The following FUT9 variants were observed in gnomAD, a reference collection of about 807,000 sequenced individuals.
FUT9 encodes the protein 4-galactosyl-N-acetylglucosaminide 3-alpha-L-fucosyltransferase 9.
FUT9 carries 15 observed loss-of-function variants against 29.7 expected under a neutral mutation model. That is an observed-to-expected ratio of 0.51 (90% CI 0.34 to 0.78). FUT9 has a LOEUF of 0.78. Among genes scored for constraint, FUT9 ranks in the 30% least tolerant of loss-of-function variants. FUT9 has a pLI of 0.01. For synonymous variants in FUT9, 169 were observed against 153.7 expected, an observed-to-expected ratio of 1.10 and a Z score of -0.74; for missense variants, 319 against 425.4, an observed-to-expected ratio of 0.75 and a Z score of 2.20.
chr6:96,162,940 G>A (rs182583129), intron 2 of FUT9, among the ~76,000 whole-genome samples: 17 of 152,288 alleles, frequency 1.1e-4, no homozygotes, highest in Non-Finnish European at 2.5e-4. Flanking sequence ...ATAAGGCTGA[G>A]GTAAAGTCTT....
At chr6:96,189,686 T>C (rs1423653355) in intron 2 of FUT9, among the ~76,000 whole-genome samples, 2 of 152,150 alleles carry the variant, frequency 1.3e-5, no homozygotes. Flanking sequence ...CTTTTGATCT[T>C]TGTTGGTTTA....
chr6:96,029,661 T>C (rs907562857), intron 1 of FUT9, among the ~76,000 whole-genome samples: 2 of 151,584 alleles, frequency 1.3e-5, no homozygotes, highest in South Asian at 2.1e-4. Context: ...TGACAAATTA[T>C]AAGATATACA....
chr6:96,064,057 A>G (rs752187187), intron 1 of FUT9, among the ~76,000 whole-genome samples: 3 of 152,116 alleles, frequency 2.0e-5, no homozygotes, highest in Non-Finnish European at 2.9e-5. Context: ...ATTGCTACCA[A>G]AGTTCACAGG....
At chr6:96,081,955 G>A (rs1771244989) in intron 1 of FUT9, among the ~76,000 whole-genome samples, 1 of 151,650 alleles carries the variant, frequency 6.6e-6, no homozygotes, top group Non-Finnish European at 1.5e-5. Context: ...CTTAATGGCT[G>A]TTTATATTTC....
chr6:96,104,707 T>C (rs1269355203), intron 1 of FUT9, among the ~76,000 whole-genome samples: 1 of 151,988 alleles, frequency 6.6e-6, no homozygotes, highest in East Asian at 1.9e-4. Context: ...ATTTTTTGTG[T>C]TTTCAGTAGA....
At chr6:96,181,745 G>A (rs4279447) in intron 2 of FUT9, among the ~76,000 whole-genome samples, 138,646 of 151,990 alleles carry the variant, frequency 0.91, 64,588 homozygotes, top group Non-Finnish European at 1. Context: ...AGGTTTCTGC[G>A]GATGTCATTA....
chr6:96,032,277 A>G (rs1477331268), intron 1 of FUT9, among the ~76,000 whole-genome samples: 1 of 151,660 alleles, frequency 6.6e-6, no homozygotes. Context: ...TAGGAAGCTC[A>G]GTGTCAACTT....
At chr6:96,034,654 C>A (rs544996183) in intron 1 of FUT9, among the ~76,000 whole-genome samples, 2 of 151,756 alleles carry the variant, frequency 1.3e-5, no homozygotes, top group Middle Eastern at 3.4e-3. Flanking sequence ...CTTTATCACA[C>A]ACTTACTACA....
intron 2 of FUT9, among the ~76,000 whole-genome samples, chr6:96,151,509 A>G (rs1006178801): frequency 1.3e-5 from 2 of 152,196 alleles, no homozygotes; most frequent in African/African-American, 2.4e-5. Flanking sequence ...TAAAGATTTT[A>G]TCAGGTAGAG....
At chr6:96,113,634 T>A (rs1444498530) in intron 1 of FUT9, among the ~76,000 whole-genome samples, 1 of 151,342 alleles carries the variant, frequency 6.6e-6, no homozygotes, top group Non-Finnish European at 1.5e-5. Flanking sequence ...GGCGGGCGGA[T>A]CACGTCAGGA....
At chr6:96,102,942 T>C (rs1423255419) in intron 1 of FUT9, among the ~76,000 whole-genome samples, 1 of 152,158 alleles carries the variant, frequency 6.6e-6, no homozygotes, top group East Asian at 1.9e-4. Context: ...GGAGAGAACT[T>C]TGAAGAGCTG....
intron 1 of FUT9, among the ~76,000 whole-genome samples, chr6:96,094,199 G>C (rs757900000): frequency 6.6e-6 from 1 of 152,112 alleles, no homozygotes; most frequent in Non-Finnish European, 1.5e-5. Flanking sequence ...CAACTCACAG[G>C]TTTTAAATTG....
chr6:96,158,390 ATG>A (rs1772830405), intron 2 of FUT9, among the ~76,000 whole-genome samples: 2 of 152,098 alleles, frequency 1.3e-5, no homozygotes, highest in African/African-American at 4.8e-5. Context: ...GTGTGTATGT[ATG>A]TGTGTGTATT....
intron 2 of FUT9, among the ~76,000 whole-genome samples, chr6:96,151,444 TTGTTTTCC>T (rs1251286861): frequency 3.9e-5 from 6 of 152,168 alleles, no homozygotes; most frequent in African/African-American, 1.4e-4. Flanking sequence ...TGAAATGAAA[TTGTTTTCC>T]TGTTATCAGG....
intron 1 of FUT9, among the ~76,000 whole-genome samples, chr6:96,038,210 G>C (rs541437331): frequency 1.3e-5 from 2 of 152,118 alleles, no homozygotes; most frequent in East Asian, 1.9e-4. Context: ...CAAATCAGAA[G>C]AAGAGTAAAG....
chr6:96,167,252 G>C (rs1357285345), intron 2 of FUT9, among the ~76,000 whole-genome samples: 3 of 152,100 alleles, frequency 2.0e-5, no homozygotes, highest in Non-Finnish European at 4.4e-5. Flanking sequence ...TTCAAATATT[G>C]AAAATTGAAA....
chr6:96,202,588 AT>A (rs996656911), intron 2 of FUT9, among the ~76,000 whole-genome samples: 18 of 152,254 alleles, frequency 1.2e-4, no homozygotes, highest in Admixed American at 1.1e-3. Flanking sequence ...AAGAGTTGCC[AT>A]TTTTTTACCA....
At chr6:96,170,191 T>A (rs1773085782) in intron 2 of FUT9, among the ~76,000 whole-genome samples, 1 of 152,148 alleles carries the variant, frequency 6.6e-6, no homozygotes, top group Non-Finnish European at 1.5e-5. Flanking sequence ...AAGTTGGTGA[T>A]GTGAAATAAT....
chr6:96,200,379 A>T (rs1047561985), intron 2 of FUT9, among the ~76,000 whole-genome samples: 1 of 152,174 alleles, frequency 6.6e-6, no homozygotes, highest in Admixed American at 6.6e-5. Flanking sequence ...TTCAAAGTAG[A>T]TTACAGAAGG....
Sources: gnomAD v4.1 joint callset for allele counts (sites outside exome capture counted in the v4.1 genomes callset) on GRCh38, gnomAD v4.1.1 for gene constraint, MANE v1.5 for transcripts, NCBI Gene and HGNC (gene_info 2026-07-23, HGNC 2026-07-21) for gene names.